Variants in CEP63 observed in about 807,000 individuals in gnomAD.
The protein encoded by CEP63 is centrosomal protein 63, also known as centrosomal protein of 63 kDa.
In CEP63, 84 loss-of-function variants were observed where a neutral mutation model predicts 89.1. The observed-to-expected ratio is 0.94, with a 90% confidence interval of 0.79 to 1.13. The LOEUF (loss-of-function observed/expected upper bound fraction) is 1.13. Among genes scored for constraint, CEP63 ranks in the 50% most tolerant of loss-of-function variants. The pLI is 0.00. For synonymous variants in CEP63, 267 were observed against 272.5 expected, an observed-to-expected ratio of 0.98 and a Z score of 0.20; for missense variants, 838 against 813.3, an observed-to-expected ratio of 1.03 and a Z score of -0.37.
At chr3:134,775,216 C>T in the CEP63 span, among the ~76,000 whole-genome samples, 4 of 152,128 alleles carry the variant, frequency 2.6e-5, no homozygotes, top group South Asian at 2.1e-4. Context: ...GTCTCGTTCA[C>T]GTGATTTAGT....
chr3:134,520,700 CAG>C (rs1296943314), intron 3 of CEP63, among the ~76,000 whole-genome samples: 1 of 152,076 alleles, frequency 6.6e-6, no homozygotes, highest in Non-Finnish European at 1.5e-5. Context: ...ACCAATGGAA[CAG>C]AATAAAGAGT....
At chr3:134,536,979 GGAAGT>G in intron 5 of CEP63, 171 bp from the exon 6 acceptor site, 1 of 639,372 alleles carries the variant, frequency 1.6e-6, no homozygotes, top group African/African-American at 1.8e-5. Context: ...CAGTATGTGA[GGAAGT>G]TAGTATTACT....
the CEP63 span, among the ~76,000 whole-genome samples, chr3:134,700,841 G>A: frequency 1.3e-5 from 2 of 152,080 alleles, no homozygotes. Flanking sequence ...TACAGTTACA[G>A]GTTTGCAGCA....
chr3:134,567,967 C>T (rs1013447589), downstream of CEP63, among the ~76,000 whole-genome samples: 1 of 152,240 alleles, frequency 6.6e-6, no homozygotes. Context: ...GACTGCTTAG[C>T]AAGTCCCTCA....
At chr3:134,752,908 C>T in the CEP63 span, among the ~76,000 whole-genome samples, 8 of 152,158 alleles carry the variant, frequency 5.3e-5, no homozygotes, top group Non-Finnish European at 1.2e-4. Context: ...CTGCCCCACT[C>T]TCTGCCTACC....
chr3:134,652,444 G>GC, the CEP63 span, among the ~76,000 whole-genome samples: 2,520 of 144,602 alleles, frequency 0.017, 49 homozygotes, highest in African/African-American at 0.053. Context: ...CATTACCAGC[G>GC]CCCCCCCCCA....
At chr3:134,592,856 T>C in the CEP63 span, among the ~76,000 whole-genome samples, 22 of 152,308 alleles carry the variant, frequency 1.4e-4, no homozygotes, top group African/African-American at 4.6e-4. Flanking sequence ...TTTCATCTGC[T>C]CTTTTGGCTC....
chr3:134,711,097 C>G, the CEP63 span, among the ~76,000 whole-genome samples: 9,444 of 152,200 alleles, frequency 0.062, 502 homozygotes, highest in South Asian at 0.3. Context: ...CTCTTCTCTT[C>G]CCCCAGTCTT....
the CEP63 span, among the ~76,000 whole-genome samples, chr3:134,613,912 A>G: frequency 6.6e-6 from 1 of 152,236 alleles, no homozygotes; most frequent in Non-Finnish European, 1.5e-5. Flanking sequence ...TCATCAAAAG[A>G]TCACTGGCCG....
chr3:134,751,069 GA>G, the CEP63 span, among the ~76,000 whole-genome samples: 1 of 152,168 alleles, frequency 6.6e-6, no homozygotes, highest in Non-Finnish European at 1.5e-5. Context: ...CATATAACTG[GA>G]ATCACACAAT....
At chr3:134,705,423 A>G in the CEP63 span, among the ~76,000 whole-genome samples, 1 of 152,308 alleles carries the variant, frequency 6.6e-6, no homozygotes, top group East Asian at 1.9e-4. Context: ...CTACTGCCAG[A>G]ATGGCACCAT....
At chr3:134,717,255 T>C in the CEP63 span, among the ~76,000 whole-genome samples, 1 of 152,194 alleles carries the variant, frequency 6.6e-6, no homozygotes, top group Non-Finnish European at 1.5e-5. Flanking sequence ...TAAAGTTCCA[T>C]GGCCATCCTG....
chr3:134,758,291 A>G, the CEP63 span, among the ~76,000 whole-genome samples: 20,194 of 152,248 alleles, frequency 0.13, 1,457 homozygotes, highest in Middle Eastern at 0.18. Flanking sequence ...TGAATGATTC[A>G]TCTTGCAATT....
At chr3:134,513,296 C>G (rs929127516) in intron 3 of CEP63, among the ~76,000 whole-genome samples, 1 of 152,068 alleles carries the variant, frequency 6.6e-6, no homozygotes, top group Non-Finnish European at 1.5e-5. Context: ...TGAAAATAAT[C>G]TTTATTCTAT....
At chr3:134,775,955 A>C in the CEP63 span, among the ~76,000 whole-genome samples, 2 of 152,202 alleles carry the variant, frequency 1.3e-5, no homozygotes, top group East Asian at 3.9e-4. Flanking sequence ...CTACACACTG[A>C]ACACTAAAAG....
At chr3:134,601,705 C>T in the CEP63 span, among the ~76,000 whole-genome samples, 1 of 152,172 alleles carries the variant, frequency 6.6e-6, no homozygotes, top group South Asian at 2.1e-4. Context: ...ACAGTTCAGC[C>T]CCCCAGGGGA....
At chr3:134,530,748 T>C (rs372604836) in intron 3 of CEP63, among the ~76,000 whole-genome samples, 1 of 152,244 alleles carries the variant, frequency 6.6e-6, no homozygotes, top group Non-Finnish European at 1.5e-5. Flanking sequence ...GTTTGAACTT[T>C]AGAATGACTT....
At chr3:134,574,657 G>C (rs1958150064) in intron 11 of CEP63, 2 of 403,278 alleles carry the variant, frequency 5.0e-6, no homozygotes, top group South Asian at 2.1e-4. Flanking sequence ...ACCCAGGCTG[G>C]AGTTCAGTGG....
At chr3:134,561,117 C>G (rs1577450491) in intron 14 of CEP63, among the ~76,000 whole-genome samples, 1 of 152,344 alleles carries the variant, frequency 6.6e-6, no homozygotes, top group East Asian at 1.9e-4. Context: ...TTGAAACATT[C>G]TTCAGACCAA....
Sources: allele counts gnomAD v4.1 joint callset (sites outside exome capture counted in the v4.1 genomes callset), GRCh38; gene constraint gnomAD v4.1.1; transcripts MANE v1.5; gene names NCBI Gene and HGNC (gene_info 2026-07-23, HGNC 2026-07-21).